The following DNAJC28 variants were observed in gnomAD, a reference collection of about 807,000 sequenced individuals.
DNAJC28 encodes dnaJ homolog subfamily C member 28.
A neutral mutation model predicts 33.3 loss-of-function variants in DNAJC28; 24 were observed. The observed-to-expected ratio is 0.72, with a 90% confidence interval of 0.52 to 1.01. The LOEUF is 1.01. Ranked by LOEUF, DNAJC28 falls within the 50% of genes least tolerant of loss-of-function variation. The pLI, the probability that DNAJC28 is intolerant of heterozygous loss-of-function variation, is 0.00. For synonymous variants in DNAJC28, 120 were observed against 147.2 expected (o/e 0.82, Z 1.34); for missense variants, 442 against 455.2 (o/e 0.97, Z 0.26).
At chr21:33,490,167 G>C (rs955730504) in intron 1 of DNAJC28, among the ~76,000 whole-genome samples, 1 of 148,170 alleles carries the variant, frequency 6.7e-6, no homozygotes, top group Non-Finnish European at 1.5e-5. Flanking sequence ...GGAGTGCAAT[G>C]GCATGATCTC....
Position 33,489,339 on chromosome 21 carries a change from C to G in DNAJC28, c.55G>C (p.Ala19Pro), listed in dbSNP as rs1435702661. The change falls in exon 2 of 2, where the codon GCT (alanine) becomes CCT (proline). Residue 19 changes from alanine (A) to proline (P), a missense_variant. Transcript: ENST00000381947. ...TTCACTCGATTAGGAATCACTGTAG[C>G]CTTTATCAGGTGAGATCTTAAGATC... ...AQILRSHLIK[A>P]TVIPNRVKML... The G allele has an allele frequency of 6.4e-7, 1 of 1,561,310 alleles. No individual in the cohort carries two copies. Among genetic ancestry groups the G allele is most frequent in the Admixed American group, 2.0e-5 (1 of 49,224 alleles).
chr21:33,491,544 C>G (rs573732648), intron 1 of DNAJC28, 58 bp downstream of exon 1: 3 of 152,674 alleles, frequency 2.0e-5, no homozygotes, highest in African/African-American at 4.8e-5. Context: ...CTCCGCCGGG[C>G]TAGACCATTT....
rs776616390 is a variant in DNAJC28, at chr21:33,488,967, C to A, written c.427G>T (p.Gly143Cys). Residue 143 changes from glycine (G) to cysteine (C), a missense_variant, in exon 2 of 2, where the codon GGT (glycine) becomes TGT (cysteine). Coordinates refer to ENST00000381947, the MANE Select transcript of DNAJC28 (RefSeq NM_001040192.3). Reference protein sequence around the residue: ...HRHYLSFEGIGFGTPTQREKH... With the variant: ...HRHYLSFEGICFGTPTQREKH... ...TCTCGTTGAGTTGGAGTCCCAAAACCAATACCTTCAAAACTTAAATAATGT... is the reference window on the plus strand; with the variant it reads ...TCTCGTTGAGTTGGAGTCCCAAAACAAATACCTTCAAAACTTAAATAATGT... 1.2e-6 allele frequency: 2 copies of A among 1,613,808 alleles called. No homozygotes were observed. Among genetic ancestry groups the A allele is most frequent in the African/African-American group, 2.7e-5 (2 of 74,914 alleles).
chr21:33,488,074 C>G lies in DNAJC28; in HGVS notation c.*153G>C, dbSNP rs1203064838. ...TTTCTTGCTATATCCTCAGGACAAA[C>G]CTGATAGGTTTCTCACTCACACATC... On this transcript the variant is annotated 3_prime_UTR_variant, in exon 2 of 2. Coordinates refer to ENST00000381947, the MANE Select transcript of DNAJC28 (RefSeq NM_001040192.3). 1.6e-6 allele frequency: 1 copy of G among 622,784 alleles called. No homozygotes were observed. Among genetic ancestry groups the G allele is most frequent in the South Asian group, 3.3e-5 (1 of 30,154 alleles). 38.6% of individuals were successfully genotyped at this position (622,784 alleles called of 1,614,324 possible).
chr21:33,488,434 G>A lies in DNAJC28; in HGVS notation c.960C>T (p.Ile320=). 6.2e-7 allele frequency: 1 copy of A among 1,602,416 alleles called. No individual in the cohort carries two copies. Residue 320 remains isoleucine, a synonymous_variant, in exon 2 of 2, where the codon ATC becomes ATT. Transcript: ENST00000381947. ...RINDFNLIVP[I]LTRQKVHFDA... is the part of the protein sequence containing the mutation. ...CAAAATGGACTTTTTGCCTGGTCAG[G>A]ATGGGAACAATTAAATTAAAATCAT...
intron 1 of DNAJC28, 54 bp from the exon 2 acceptor site, chr21:33,489,478 C>T: frequency 1.0e-6 from 1 of 984,316 alleles, no homozygotes. Context: ...CAGTTAATTT[C>T]TTATTTTCAG....
At position 33,489,273 on chromosome 21, in the gene DNAJC28, A is replaced by C; in HGVS notation, c.121T>G (p.Ser41Ala). Reference protein sequence around the residue: ...YFGIIRNRMMSTHKSKKKIRE... With the variant: ...YFGIIRNRMMATHKSKKKIRE... ...ATCTTCTTTTTGGATTTATGGGTTG[A>C]CATCATTCTATTTCTAATGATACCA... Residue 41 changes from serine (S) to alanine (A), a missense_variant, in exon 2 of 2, where the codon TCA becomes GCA. Physicochemically the swap from Ser to Ala is moderately conservative, Grantham distance 99. Transcript: ENST00000381947. 1 of 1,603,046 alleles carries C rather than the reference A, an allele frequency of 6.2e-7. No homozygotes were observed. The highest frequency in any genetic ancestry group is 8.5e-7 in the Non-Finnish European group (1 of 1,176,846).
chr21:33,490,710 G>T (rs1316904147), intron 1 of DNAJC28, among the ~76,000 whole-genome samples: 1 of 151,990 alleles, frequency 6.6e-6, no homozygotes, highest in Non-Finnish European at 1.5e-5. Context: ...GCAGTGAACC[G>T]AGATCGTGCC....
At position 33,489,189 on chromosome 21, in the gene DNAJC28, C is replaced by T; in HGVS notation, c.205G>A (p.Glu69Lys). 1 of 1,609,980 alleles carries T rather than the reference C, an allele frequency of 6.2e-7. No individual in the cohort carries two copies. Among genetic ancestry groups the T allele is most frequent in the Non-Finnish European group, 8.5e-7 (1 of 1,178,818 alleles). The part of the protein sequence containing the change: ...EEGCSADEVR[E>K]SFHKLAKQYH... Reference sequence around the variant, plus strand: ...TGCTTGGCAAGCTTATGAAAAGATTCCCTGACTTCATCTGCAGAGCATCCT... The same window carrying T: ...TGCTTGGCAAGCTTATGAAAAGATTTCCTGACTTCATCTGCAGAGCATCCT... The change falls in exon 2 of 2, where the codon GAA (glutamate) becomes AAA (lysine). Residue 69 changes from glutamate to lysine, a missense_variant. Transcript: ENST00000381947.
Position 33,488,775 on chromosome 21 carries a change from G to A in DNAJC28, c.619C>T (p.Leu207Phe), listed in dbSNP as rs764430532. The A allele has an allele frequency of 6.2e-7, 1 of 1,613,536 alleles. No homozygotes were observed. The highest frequency in any genetic ancestry group is 1.1e-5 in the South Asian group (1 of 90,844). The part of the protein sequence containing the change: ...TQAIERLVED[L>F]IQESMAKGDF... Reference sequence around the variant, plus strand: ...CCTTTTGCCATGGATTCTTGAATGAGGTCCTCCACTAAACGTTCTATAGCT... The same window carrying A: ...CCTTTTGCCATGGATTCTTGAATGAAGTCCTCCACTAAACGTTCTATAGCT... Residue 207 changes from leucine to phenylalanine, a missense_variant, in exon 2 of 2, where the codon CTC becomes TTC. Coordinates refer to ENST00000381947, the MANE Select transcript of DNAJC28 (RefSeq NM_001040192.3).
chr21:33,489,442 ATATAGG>A lies in DNAJC28; in HGVS notation c.-31-24_-31-19del, dbSNP rs570161725. The A allele has an allele frequency of 8.3e-5, 108 of 1,300,972 alleles. 1 individual carries two copies. The African/African-American group carries it at 1.2e-3, about 15-fold the overall frequency. 80.6% of individuals were successfully genotyped at this position (1,300,972 alleles called of 1,614,324 possible). ...GCAATGACCTATAAAACGACAACAA[ATATAGG>A]TTGAACAAAGTTGTATTATCAGTTA... On this transcript the variant is annotated intron_variant, in intron 1 of 1. Coordinates refer to ENST00000381947, the MANE Select transcript of DNAJC28 (RefSeq NM_001040192.3).
chr21:33,489,711 G>A (rs1479410300), intron 1 of DNAJC28, among the ~76,000 whole-genome samples: 1 of 151,500 alleles, frequency 6.6e-6, no homozygotes, highest in Non-Finnish European at 1.5e-5. Context: ...AGGCTGGTCT[G>A]GATATCCTGA....
At chr21:33,490,328 C>T (rs545959855) in intron 1 of DNAJC28, among the ~76,000 whole-genome samples, 3 of 148,046 alleles carry the variant, frequency 2.0e-5, no homozygotes, top group South Asian at 2.2e-4. Flanking sequence ...AGGATGGTCT[C>T]GATCTCCTGA....
At position 33,491,636 on chromosome 21, in the gene DNAJC28, A is replaced by C. The variant is rs558124834; in HGVS notation, c.-66T>G. ...ACAGGTGACCTTACCAGGAAAACGGACAATCTTCCGCCAAACGAACTTTAC... is the reference window on the plus strand; with the variant it reads ...ACAGGTGACCTTACCAGGAAAACGGCCAATCTTCCGCCAAACGAACTTTAC... On this transcript the variant is annotated 5_prime_UTR_variant, in exon 1 of 2. Transcript: ENST00000381947. The C allele has an allele frequency of 1.3e-5, 2 of 152,450 alleles. No homozygotes were observed. The highest frequency in any genetic ancestry group is 3.9e-4 in the East Asian group (2 of 5,180). 9.4% of individuals were successfully genotyped at this position (152,450 alleles called of 1,614,324 possible).
chr21:33,490,079 C>G (rs2084508361), intron 1 of DNAJC28, among the ~76,000 whole-genome samples: 2 of 151,628 alleles, frequency 1.3e-5, no homozygotes. Flanking sequence ...AGGGGTGAGC[C>G]ACTGTGCCCA....
chr21:33,488,280 C>A lies in DNAJC28; in HGVS notation c.1114G>T (p.Gly372Cys). ...EGEKTPEIKKGFLNWMNLWKF... is the reference protein window; with the variant it reads ...EGEKTPEIKKCFLNWMNLWKF... ...CACAGATTCATCCAGTTTAAAAAACCTTTCTTGATTTCAGGTGTTTTCTCT... is the reference window on the plus strand; with the variant it reads ...CACAGATTCATCCAGTTTAAAAAACATTTCTTGATTTCAGGTGTTTTCTCT... Residue 372 changes from glycine (G) to cysteine (C), a missense_variant, in exon 2 of 2, where the codon GGT (glycine) becomes TGT (cysteine). Coordinates refer to ENST00000381947, the MANE Select transcript of DNAJC28 (RefSeq NM_001040192.3). The A allele has an allele frequency of 1.3e-6, 2 of 1,532,842 alleles. No individual in the cohort carries two copies. The highest frequency in any genetic ancestry group is 2.6e-5 in the South Asian group (2 of 76,596). 95.0% of individuals were successfully genotyped at this position (1,532,842 alleles called of 1,614,324 possible).
At chr21:33,489,511 TGAATTTATAAGTAC>T in intron 1 of DNAJC28, 87 bp from the exon 2 acceptor site, 1 of 671,460 alleles carries the variant, frequency 1.5e-6, no homozygotes, top group East Asian at 3.0e-5. Context: ...AGATACAGCA[TGAATTTATAAGTAC>T]AACAAGGGGC....
chr21:33,490,120 C>CTTT (rs899299286), intron 1 of DNAJC28, among the ~76,000 whole-genome samples: 1 of 132,854 alleles, frequency 7.5e-6, no homozygotes, highest in Admixed American at 7.5e-5. Context: ...CTTTTCTTTT[C>CTTT]TTTTTTTTTT....
Position 33,488,365 on chromosome 21 carries a change from G to C in DNAJC28, c.1029C>G (p.Thr343=). 1.3e-6 allele frequency: 2 copies of C among 1,591,092 alleles called. No homozygotes were observed. Among genetic ancestry groups the C allele is most frequent in the African/African-American group, 1.4e-5 (1 of 73,274 alleles). The change falls in exon 2 of 2, where the codon ACC becomes ACG. Residue 343 remains threonine (T), a synonymous_variant. Transcript: ENST00000381947. The part of the protein sequence containing the change: ...EIVRAQKIYE[T]LIKTKEVTDR... Reference sequence around the variant, plus strand: ...CTGTGACTTCTTTTGTTTTTATAAGGGTCTCGTATATTTTCTGGGCTCTGA... The same window carrying C: ...CTGTGACTTCTTTTGTTTTTATAAGCGTCTCGTATATTTTCTGGGCTCTGA...
Sources: allele counts gnomAD v4.1 joint callset (sites outside exome capture counted in the v4.1 genomes callset), GRCh38; gene constraint gnomAD v4.1.1; transcripts MANE v1.5; gene names NCBI Gene and HGNC (gene_info 2026-07-23, HGNC 2026-07-21).